The following CD2AP variants were observed in gnomAD, a reference collection of about 807,000 sequenced individuals.
CD2AP encodes the protein CD2-associated protein.
CD2AP carries 46 observed loss-of-function variants against 85.1 expected under a neutral mutation model. The ratio of observed to expected loss-of-function variants is 0.54; its 90% CI spans 0.43 to 0.69. The LOEUF is 0.69. Ranked by LOEUF, CD2AP falls within the 30% of genes least tolerant of loss-of-function variation. The pLI is 0.00. For synonymous variants in CD2AP, 255 were observed against 252.9 expected (o/e 1.01, Z -0.08); for missense variants, 769 against 729.5 (o/e 1.05, Z -0.62).
chr6:47,615,049 C>G (rs1405579304), intron 17 of CD2AP, among the ~76,000 whole-genome samples: 2 of 152,102 alleles, frequency 1.3e-5, no homozygotes, highest in Admixed American at 1.3e-4. Flanking sequence ...AGAGACTCTT[C>G]CCATTGTTTA....
intron 16 of CD2AP, among the ~76,000 whole-genome samples, chr6:47,610,998 ATTTTG>A (rs1769424557): frequency 9.6e-6 from 1 of 104,514 alleles, no homozygotes; most frequent in South Asian, 2.8e-4. Flanking sequence ...AATATAAAAC[ATTTTG>A]GAAGTCTTTC....
intron 15 of CD2AP, 110 bp from the exon 16 acceptor site, chr6:47,609,013 A>G: frequency 2.6e-6 from 2 of 772,658 alleles, no homozygotes; most frequent in Admixed American, 3.0e-5. Flanking sequence ...GAATTTCCAA[A>G]TTTGCCACTT....
chr6:47,543,083 G>A (rs539470459), intron 3 of CD2AP, among the ~76,000 whole-genome samples: 54 of 147,166 alleles, frequency 3.7e-4, no homozygotes, highest in South Asian at 6.5e-4. Context: ...CTCGGGAGGT[G>A]GAGGTTGCAG....
Position 47,478,033 on chromosome 6 carries a change from C to T in CD2AP, c.-212C>T, listed in dbSNP as rs529849638. On this transcript the variant is annotated 5_prime_UTR_variant, in exon 1 of 18. Transcript: ENST00000359314. ...GGAGGCCAGGGGTGAGGAGCTGTCG[C>T]CGCCTTTGCCTCTGCCTCGAGGGCC... The T allele has an allele frequency of 3.6e-5, 23 of 635,290 alleles. No homozygotes were observed. The highest frequency in any genetic ancestry group is 3.3e-4 in the African/African-American group (18 of 54,116). The allele number at this position is 635,290 out of a possible 1,614,324, so 39.4% of individuals were successfully genotyped here.
intron 17 of CD2AP, among the ~76,000 whole-genome samples, chr6:47,622,714 C>A (rs553222388): frequency 4.6e-5 from 7 of 152,318 alleles, no homozygotes; most frequent in Non-Finnish European, 7.3e-5. Flanking sequence ...CCTGCAAGAG[C>A]AGTCCGCTTT....
At chr6:47,608,442 G>A (rs1391786993) in intron 15 of CD2AP, among the ~76,000 whole-genome samples, 1 of 152,056 alleles carries the variant, frequency 6.6e-6, no homozygotes, top group Non-Finnish European at 1.5e-5. Context: ...TGTTACATGT[G>A]TTAGGTGTCT....
chr6:47,546,254 T>C (rs543130929), intron 4 of CD2AP, among the ~76,000 whole-genome samples: 21 of 151,846 alleles, frequency 1.4e-4, no homozygotes, highest in Non-Finnish European at 2.5e-4. Context: ...GCAGAAGAAA[T>C]AACTTCAGAG....
At chr6:47,615,045 T>C (rs1769542375) in intron 17 of CD2AP, among the ~76,000 whole-genome samples, 1 of 152,220 alleles carries the variant, frequency 6.6e-6, no homozygotes, top group South Asian at 2.1e-4. Flanking sequence ...TTTTAGAGAC[T>C]CTTCCCATTG....
intron 3 of CD2AP, among the ~76,000 whole-genome samples, chr6:47,535,770 T>C (rs370689673): frequency 5.9e-5 from 9 of 152,312 alleles, no homozygotes; most frequent in African/African-American, 2.2e-4. Context: ...AACCTCTATA[T>C]AGAATGTCTG....
At chr6:47,620,840 T>TA (rs1247698337) in intron 17 of CD2AP, among the ~76,000 whole-genome samples, 1 of 152,176 alleles carries the variant, frequency 6.6e-6, no homozygotes, top group Admixed American at 6.5e-5. Flanking sequence ...CTTGATTTGA[T>TA]TCTCTGCTTG....
chr6:47,576,740 G>C (rs1354625899), intron 7 of CD2AP, 138 bp downstream of exon 7: 1 of 715,618 alleles, frequency 1.4e-6, no homozygotes, highest in Non-Finnish European at 2.4e-6. Context: ...ATGAGGTCAA[G>C]GATTTTGATA....
At chr6:47,501,603 G>C (rs903711375) in intron 1 of CD2AP, among the ~76,000 whole-genome samples, 12 of 152,004 alleles carry the variant, frequency 7.9e-5, no homozygotes, top group South Asian at 2.1e-4. Flanking sequence ...AACAGTGTCT[G>C]GTCATACTCA....
chr6:47,557,286 T>C (rs1403125417), intron 5 of CD2AP, among the ~76,000 whole-genome samples: 1 of 151,946 alleles, frequency 6.6e-6, no homozygotes, highest in East Asian at 1.9e-4. Flanking sequence ...GCCTGTTCAC[T>C]CTGATGATAG....
chr6:47,617,880 A>G (rs1432905183), intron 17 of CD2AP, among the ~76,000 whole-genome samples: 1 of 152,148 alleles, frequency 6.6e-6, no homozygotes, highest in Non-Finnish European at 1.5e-5. Context: ...GCCTCTTACA[A>G]TTGATAAGTC....
intron 2 of CD2AP, among the ~76,000 whole-genome samples, chr6:47,522,246 T>C (rs1310400427): frequency 6.6e-6 from 1 of 152,112 alleles, no homozygotes; most frequent in Admixed American, 6.6e-5. Context: ...CAGAGAAATA[T>C]CAGCGGAATG....
chr6:47,519,919 G>A (rs1463591515), intron 2 of CD2AP, among the ~76,000 whole-genome samples: 2 of 152,182 alleles, frequency 1.3e-5, no homozygotes, highest in African/African-American at 4.8e-5. Flanking sequence ...ATGAGAAAAT[G>A]TGGAACTAGC....
Position 47,577,118 on chromosome 6 carries a change from T to G in CD2AP, c.903+15T>G. 1.6e-6 allele frequency: 2 copies of G among 1,271,522 alleles called. No individual in the cohort carries two copies. The highest frequency in any genetic ancestry group is 1.9e-4 in the Middle Eastern group (1 of 5,378). 78.8% of individuals were successfully genotyped at this position (1,271,522 alleles called of 1,614,324 possible). On this transcript the variant is annotated intron_variant, in intron 8 of 17. Transcript: ENST00000359314. ...TGATAAGTAAGGTAAGGTGTTTCTG[T>G]TTTTCAGTGAATTGCTTAATTTATT...
chr6:47,498,968 T>C (rs1313965148), intron 1 of CD2AP, among the ~76,000 whole-genome samples: 1 of 152,194 alleles, frequency 6.6e-6, no homozygotes, highest in Non-Finnish European at 1.5e-5. Context: ...ACTCATGGCT[T>C]ATTTTATTCG....
At chr6:47,491,840 A>G (rs1160558810) in intron 1 of CD2AP, among the ~76,000 whole-genome samples, 2 of 152,120 alleles carry the variant, frequency 1.3e-5, no homozygotes, top group Non-Finnish European at 2.9e-5. Context: ...GTTATTAACA[A>G]CTAGTAAACC....
Sources: gnomAD v4.1 joint callset for allele counts (sites outside exome capture counted in the v4.1 genomes callset) on GRCh38, gnomAD v4.1.1 for gene constraint, MANE v1.5 for transcripts, NCBI Gene and HGNC (gene_info 2026-07-23, HGNC 2026-07-21) for gene names.